The following GPHN variants were observed in gnomAD, a reference collection of about 807,000 sequenced individuals.
GPHN encodes the protein gephyrin.
Under a neutral mutation model 95.5 loss-of-function variants are expected in GPHN, and 17 were observed. That is an observed-to-expected ratio of 0.18 (90% CI 0.12 to 0.27). The LOEUF is 0.27. Among genes scored for constraint, GPHN ranks in the 10% least tolerant of loss-of-function variants. The pLI is 1.00. For missense variants in GPHN, 660 were observed against 978.1 expected, an observed-to-expected ratio of 0.67 and a Z score of 4.34; for synonymous variants, 320 against 322.5, an observed-to-expected ratio of 0.99 and a Z score of 0.08.
the GPHN span, chr14:67,642,076 C>G: frequency 9.2e-7 from 1 of 1,084,348 alleles, no homozygotes; most frequent in Non-Finnish European, 1.3e-6. Context: ...TTTACTGTGA[C>G]AAAATGATTA....
the GPHN span, among the ~76,000 whole-genome samples, chr14:67,638,630 G>C: frequency 6.6e-6 from 1 of 152,178 alleles, no homozygotes; most frequent in African/African-American, 2.4e-5. Flanking sequence ...AGTTGAGTTC[G>C]TTCTTCCTGA....
chr14:67,267,536 C>G, the GPHN span, among the ~76,000 whole-genome samples: 1 of 152,128 alleles, frequency 6.6e-6, no homozygotes, highest in Non-Finnish European at 1.5e-5. Flanking sequence ...TAGGCATGAG[C>G]CACTGCACCC....
chr14:66,863,129 T>A (rs1400143627), intron 4 of GPHN, among the ~76,000 whole-genome samples: 3 of 151,592 alleles, frequency 2.0e-5, no homozygotes, highest in South Asian at 4.2e-4. Flanking sequence ...TTCAGTAAAG[T>A]GGCAGGTTAC....
chr14:66,837,239 G>A (rs1386830706), intron 4 of GPHN, among the ~76,000 whole-genome samples: 8 of 151,712 alleles, frequency 5.3e-5, no homozygotes, highest in Non-Finnish European at 1.0e-4. Flanking sequence ...TGTGGCATAT[G>A]TACACCATGG....
intron 19 of GPHN, 129 bp from the exon 20 acceptor site, chr14:67,165,033 T>G (rs901921204): frequency 1.4e-6 from 1 of 697,848 alleles, no homozygotes; most frequent in South Asian, 1.6e-5. Context: ...AGTATAAAGA[T>G]GTAAAGGCAA....
chr14:67,330,326 CTCT>C, the GPHN span, among the ~76,000 whole-genome samples: 2 of 151,708 alleles, frequency 1.3e-5, no homozygotes, highest in South Asian at 2.1e-4. Flanking sequence ...AATTTTTAAA[CTCT>C]TCTTTTCAAA....
At chr14:66,717,777 T>C (rs1027025054) in intron 2 of GPHN, among the ~76,000 whole-genome samples, 1 of 152,178 alleles carries the variant, frequency 6.6e-6, no homozygotes, top group Non-Finnish European at 1.5e-5. Context: ...TTATCTCTCT[T>C]CTTGGTCTAG....
At chr14:66,690,694 G>A (rs549500815) in intron 2 of GPHN, among the ~76,000 whole-genome samples, 1 of 152,200 alleles carries the variant, frequency 6.6e-6, no homozygotes, top group African/African-American at 2.4e-5. Context: ...CCAATGTTGG[G>A]TGCATATTAT....
intron 18 of GPHN, among the ~76,000 whole-genome samples, chr14:67,144,245 AAAAAAATATATATATATATATATATAT>A (rs1419727624): frequency 1.5e-5 from 1 of 66,670 alleles, no homozygotes; most frequent in Non-Finnish European, 2.2e-5. Flanking sequence ...TTAAAAAAAA[AAAAAAATATATATATATATATATATAT>A]ATATATATAT....
chr14:67,122,179 T>A, intron 16 of GPHN, 77 bp from the exon 17 acceptor site: 1 of 1,443,804 alleles, frequency 6.9e-7, no homozygotes, highest in Non-Finnish European at 9.7e-7. Flanking sequence ...AAACTCAGTT[T>A]AGTAGATTTT....
intron 21 of GPHN, among the ~76,000 whole-genome samples, chr14:67,173,453 C>G (rs556465230): frequency 2.6e-5 from 4 of 152,136 alleles, no homozygotes; most frequent in African/African-American, 9.7e-5. Flanking sequence ...AGTTACTGCT[C>G]GCCCTGAAAG....
At chr14:67,350,415 G>A in the GPHN span, among the ~76,000 whole-genome samples, 2 of 152,150 alleles carry the variant, frequency 1.3e-5, no homozygotes, top group African/African-American at 4.8e-5. Context: ...AGTATCCTGC[G>A]CCTGCAACTA....
At chr14:67,042,040 A>G (rs182759392) in intron 10 of GPHN, among the ~76,000 whole-genome samples, 1,821 of 148,450 alleles carry the variant, frequency 0.012, 19 homozygotes, top group Non-Finnish European at 0.018. Flanking sequence ...CTGTTCATGT[A>G]CTTTGCCCAT....
rs150488556 is a variant in GPHN, at chr14:66,534,978, T to C, written c.64+26387T>C. Among the ~76,000 whole-genome samples the C allele has an allele frequency of 3.6e-3, 555 of 152,298 alleles. 8 individuals are homozygous for C. Among genetic ancestry groups the C allele is most frequent in the Admixed American group, 0.019 (297 of 15,300 alleles). On this transcript the variant is annotated intron_variant, in intron 1 of 22. Transcript: ENST00000478722. The stretch of plus-strand genomic sequence containing the variant: ...TATAATAAATAAAAGTTTTCAATTC[T>C]AATGAACCTTAACTTATCAAGTTTG...
the GPHN span, chr14:67,279,066 G>GT: frequency 0.057 from 50,434 of 891,132 alleles, no homozygotes; most frequent in South Asian, 0.067. Context: ...GATGTGAGAA[G>GT]TTTTTTTTTT....
At chr14:66,547,782 C>G (rs140518660) in intron 1 of GPHN, among the ~76,000 whole-genome samples, 1 of 152,188 alleles carries the variant, frequency 6.6e-6, no homozygotes, top group Non-Finnish European at 1.5e-5. Context: ...ATGCTGGGTT[C>G]ATGTACTGGT....
the GPHN span, among the ~76,000 whole-genome samples, chr14:67,486,298 CAG>C: frequency 3.9e-5 from 6 of 152,204 alleles, no homozygotes; most frequent in Non-Finnish European, 8.8e-5. Context: ...TGTTTTGAGA[CAG>C]AGTCTTGCTC....
the GPHN span, among the ~76,000 whole-genome samples, chr14:67,511,677 C>T: frequency 6.8e-4 from 104 of 152,308 alleles, 1 homozygote; most frequent in Middle Eastern, 6.8e-3. Flanking sequence ...GGTGGAAAGT[C>T]GCCTTTCAGA....
chr14:66,584,856 G>T (rs111676194), intron 1 of GPHN, among the ~76,000 whole-genome samples: 2 of 151,834 alleles, frequency 1.3e-5, no homozygotes, highest in African/African-American at 4.8e-5. Context: ...TCTCTTTTTT[G>T]GTTGTGTCTC....
Sources: allele counts gnomAD v4.1 joint callset (sites outside exome capture counted in the v4.1 genomes callset), GRCh38; gene constraint gnomAD v4.1.1; transcripts MANE v1.5; gene names NCBI Gene and HGNC (gene_info 2026-07-23, HGNC 2026-07-21).